ANK1: variants seen among roughly 807,000 people sequenced by gnomAD.
ANK1 encodes the protein ankyrin-1.
Under a neutral mutation model 210.4 loss-of-function variants are expected in ANK1, and 51 were observed. That is an observed-to-expected ratio of 0.24 (90% confidence interval 0.19 to 0.31). The LOEUF (loss-of-function observed/expected upper bound fraction) is 0.31. Ranked by LOEUF, ANK1 falls within the 10% of genes least tolerant of loss-of-function variation. The probability of loss-of-function intolerance (pLI) is 1.00; values close to 1 mark genes in which losing one functional copy is unlikely to be tolerated. For missense variants in ANK1, 2,051 were observed against 2,504.4 expected (o/e 0.82, Z 3.86); for synonymous variants, 967 against 1,025.9 (o/e 0.94, Z 1.10).
intron 1 of ANK1, among the ~76,000 whole-genome samples, chr8:41,765,890 G>A (rs1479976345): frequency 2.6e-5 from 4 of 152,154 alleles, no homozygotes; most frequent in East Asian, 1.9e-4. Context: ...AGGGGACATT[G>A]GGAAACACCA....
At position 41,770,727 on chromosome 8, in the gene ANK1, C is replaced by T. The variant is rs981440501; in HGVS notation, c.28-12590G>A. ...TGAAAAACTTAGGCAGGCGATGAGT[C>T]AGGCAAGGCCCAAGAGGAGGAGAAA... On this transcript the variant is annotated intron_variant, in intron 1 of 42. Transcript: ENST00000289734. 3.9e-5 allele frequency among the ~76,000 whole-genome samples: 6 copies of T among 152,348 alleles called. No individual in the cohort carries two copies. The Middle Eastern group carries it at 0.01, about 259-fold the overall frequency.
intron 2 of ANK1, among the ~76,000 whole-genome samples, chr8:41,756,320 A>G (rs1041112970): frequency 6.6e-6 from 1 of 150,716 alleles, no homozygotes; most frequent in African/African-American, 2.4e-5. Context: ...TAATTTTAGT[A>G]TTTTTAGTAG....
rs187636669 is a variant in ANK1, at chr8:41,859,796, A to G, written c.126+36559T>C. ...TGAACTGCCTGTCTTCCCCCTTCTG[A>G]GGGACTGGAGCTTTAAAAGTCCAAG... On this transcript the variant is annotated intron_variant, in intron 1 of 42. Transcript: ENST00000265709. Among the ~76,000 whole-genome samples, 1,283 of 152,300 alleles carry G rather than the reference A, an allele frequency of 8.4e-3. 14 individuals carry two copies. Among genetic ancestry groups the G allele is most frequent in the Non-Finnish European group, 0.014 (943 of 68,016 alleles).
At chr8:41,682,086 G>T (rs946677421) in intron 37 of ANK1, among the ~76,000 whole-genome samples, 1 of 152,210 alleles carries the variant, frequency 6.6e-6, no homozygotes, top group African/African-American at 2.4e-5. Context: ...TGGCTTTCCA[G>T]CTTACTCCAA....
chr8:41,825,164 G>A (rs114430387), intron 1 of ANK1, among the ~76,000 whole-genome samples: 3,987 of 152,320 alleles, frequency 0.026, 160 homozygotes, highest in African/African-American at 0.087. Context: ...CAGAGTCAAT[G>A]CTGCAGCCAC....
At chr8:41,686,033 T>C (rs1171531314) in intron 36 of ANK1, 119 bp downstream of exon 36, 8 of 1,495,784 alleles carry the variant, frequency 5.3e-6, no homozygotes, top group Admixed American at 3.4e-5. Flanking sequence ...TGAGTGTGTG[T>C]GAGAGAGACA....
intron 42 of ANK1, among the ~76,000 whole-genome samples, chr8:41,655,958 G>T (rs1805551489): frequency 6.6e-6 from 1 of 152,240 alleles, no homozygotes; most frequent in Non-Finnish European, 1.5e-5. Context: ...TGCTCCCTAT[G>T]CAGAGGCTGT....
intron 11 of ANK1, 45 bp from the exon 12 acceptor site, chr8:41,717,747 C>T (rs1487531656): frequency 6.8e-7 from 1 of 1,467,036 alleles, no homozygotes; most frequent in Admixed American, 2.0e-5. Context: ...AGTCTTTCCG[C>T]TCCCCTGAAG....
intron 31 of ANK1, among the ~76,000 whole-genome samples, chr8:41,692,002 ATTTG>A (rs1819392393): frequency 6.7e-6 from 1 of 149,810 alleles, no homozygotes; most frequent in East Asian, 2.0e-4. Flanking sequence ...CAGCACTTTT[ATTTG>A]TTTGTTTTTT....
Position 41,715,082 on chromosome 8 carries a change from G to GA in ANK1, c.1603-9dup. On this transcript the variant is annotated splice_polypyrimidine_tract_variant and intron_variant, in intron 14 of 42. Coordinates refer to ENST00000289734, the MANE Select transcript of ANK1 (RefSeq NM_000037.4). The stretch of plus-strand genomic sequence containing the variant: ...CAGAGGGGTAAATCCTTTCTGAGGA[G>GA]AAACAGGCTGTCAGGACCTTGGGGC... 2.5e-6 allele frequency: 4 copies of GA among 1,613,876 alleles called. No individual in the cohort carries two copies. The highest frequency in any genetic ancestry group is 3.4e-6 in the Non-Finnish European group (4 of 1,179,898).
intron 37 of ANK1, among the ~76,000 whole-genome samples, chr8:41,679,586 A>T (rs535491): frequency 3.1e-5 from 4 of 127,364 alleles, no homozygotes; most frequent in African/African-American, 1.2e-4. Context: ...TTTTTGAGAC[A>T]GAGTCTCACT....
chr8:41,696,624 C>T (rs576382812), intron 25 of ANK1, 37 bp from the exon 26 acceptor site: 14 of 1,611,652 alleles, frequency 8.7e-6, no homozygotes, highest in Non-Finnish European at 1.2e-5. Flanking sequence ...GCTTCTGCAT[C>T]CCCTCTCGGA....
At chr8:41,773,340 C>T (rs1160225607) in intron 1 of ANK1, among the ~76,000 whole-genome samples, 1 of 152,054 alleles carries the variant, frequency 6.6e-6, no homozygotes, top group East Asian at 1.9e-4. Context: ...ATTTTTAAAC[C>T]CATGAGAAAG....
intron 12 of ANK1, among the ~76,000 whole-genome samples, 182 bp from the exon 13 acceptor site, chr8:41,717,233 ATG>A (rs1171434737): frequency 1.3e-5 from 2 of 151,970 alleles, no homozygotes; most frequent in Non-Finnish European, 2.9e-5. Flanking sequence ...GTATGTGTGT[ATG>A]TGTGTGTGTG....
At position 41,723,154 on chromosome 8, in the gene ANK1, G is replaced by A; in HGVS notation, c.880C>T (p.His294Tyr). Residue 294 changes from histidine to tyrosine, a missense_variant, in exon 9 of 43, where the codon CAC becomes TAC. His to Tyr is a moderately conservative substitution (Grantham distance 83). Transcript: ENST00000289734. ...HVRISEILLDHGAPIQAKTKN... is the reference protein window; with the variant it reads ...HVRISEILLDYGAPIQAKTKN... ...GTTTTGGCTTGGATTGGTGCCCCGT[G>A]GTCCAGCAGGATCTCTGAGATTCGC... The A allele has an allele frequency of 6.2e-7, 1 of 1,614,168 alleles. No homozygotes were observed. Among genetic ancestry groups the A allele is most frequent in the Non-Finnish European group, 8.5e-7 (1 of 1,180,036 alleles).
chr8:41,788,485 C>T (rs959978004), intron 1 of ANK1, among the ~76,000 whole-genome samples: 1 of 152,188 alleles, frequency 6.6e-6, no homozygotes, highest in South Asian at 2.1e-4. Context: ...AGGGCACCTA[C>T]ACGACCAGCC....
chr8:41,719,336 G>T (rs938795597), intron 10 of ANK1, among the ~76,000 whole-genome samples: 1 of 152,160 alleles, frequency 6.6e-6, no homozygotes, highest in East Asian at 1.9e-4. Context: ...TCCAGGCCTG[G>T]CTCCACTGGA....
At chr8:41,713,519 T>C (rs1586359730) in intron 16 of ANK1, among the ~76,000 whole-genome samples, 1 of 152,236 alleles carries the variant, frequency 6.6e-6, no homozygotes, top group Non-Finnish European at 1.5e-5. Flanking sequence ...GAAGCTGGTG[T>C]GAGGCTGGGC....
chr8:41,672,408 G>C lies in ANK1; in HGVS notation c.5042C>G (p.Ala1681Gly). ...SLVSGHQRGQ[A>G]RITHSPTVSQ... ...CACGGTGGGGGAATGTGTGATTCGG[G>C]CTTGCCCCCTCTGATGGCCTGAAAC... The change falls in exon 38 of 43, where the codon GCC (alanine) becomes GGC (glycine). Residue 1681 changes from alanine to glycine, a missense_variant. By Grantham distance (60) the Ala-to-Gly change is moderately conservative. This residue lies in a region of ANK1 where 496 missense variants were observed against 533.4 expected (regional missense o/e 0.93). Transcript: ENST00000289734. The C allele has an allele frequency of 6.2e-7, 1 of 1,614,194 alleles. No homozygotes were observed. Among genetic ancestry groups the C allele is most frequent in the South Asian group, 1.1e-5 (1 of 91,078 alleles).
Sources: gnomAD v4.1 joint callset for allele counts (sites outside exome capture counted in the v4.1 genomes callset) on GRCh38, gnomAD v4.1.1 for gene constraint, gnomAD v4.1.1 regional missense constraint, MANE v1.5 for transcripts, NCBI Gene and HGNC (gene_info 2026-07-23, HGNC 2026-07-21) for gene names.